The following VPS13B variants were observed in gnomAD, a reference collection of about 807,000 sequenced individuals.
VPS13B encodes the protein intermembrane lipid transfer protein VPS13B.
A neutral mutation model predicts 426.4 loss-of-function variants in VPS13B; 285 were observed. The ratio of observed to expected loss-of-function variants is 0.67; its 90% CI spans 0.61 to 0.74. The LOEUF is 0.74. Among genes scored for constraint, VPS13B ranks in the 30% least tolerant of loss-of-function variants. The pLI, the probability that VPS13B is intolerant of heterozygous loss-of-function variation, is 0.00. For missense variants in VPS13B, 4,537 were observed against 4,782.6 expected (o/e 0.95, Z 1.51); for synonymous variants, 1,676 against 1,676.4 (o/e 1.00, Z 0.01).
At chr8:99,610,646 T>G (rs1208315601) in intron 33 of VPS13B, among the ~76,000 whole-genome samples, 1 of 152,006 alleles carries the variant, frequency 6.6e-6, no homozygotes, top group African/African-American at 2.4e-5. Flanking sequence ...AGATGATGGG[T>G]TGATGGGTGC....
intron 30 of VPS13B, among the ~76,000 whole-genome samples, chr8:99,528,569 C>G (rs899989762): frequency 6.6e-6 from 1 of 151,974 alleles, no homozygotes; most frequent in South Asian, 2.1e-4. Context: ...TTGTCTACAC[C>G]ACCTCCCAAA....
chr8:99,425,469 T>C (rs1195854726), intron 21 of VPS13B, among the ~76,000 whole-genome samples: 1 of 152,150 alleles, frequency 6.6e-6, no homozygotes, highest in Non-Finnish European at 1.5e-5. Flanking sequence ...AAAAACCACA[T>C]GATTATCTCA....
intron 21 of VPS13B, among the ~76,000 whole-genome samples, chr8:99,393,172 G>GT (rs1475047991): frequency 2.0e-5 from 3 of 151,978 alleles, no homozygotes; most frequent in African/African-American, 7.2e-5. Flanking sequence ...TGCTTATAAT[G>GT]TAAATGAAAA....
chr8:99,778,301 T>A, intron 41 of VPS13B, among the ~76,000 whole-genome samples: 1 of 152,254 alleles, frequency 6.6e-6, no homozygotes, highest in South Asian at 2.1e-4. Flanking sequence ...TTTAACCTGC[T>A]TTCTCTAACT....
At chr8:99,518,981 G>A (rs778547704) in intron 29 of VPS13B, among the ~76,000 whole-genome samples, 8 of 152,020 alleles carry the variant, frequency 5.3e-5, no homozygotes, top group Admixed American at 2.0e-4. Context: ...TTTAATATAC[G>A]TTTATTTTAA....
At chr8:99,405,651 C>A (rs1815282565) in intron 21 of VPS13B, among the ~76,000 whole-genome samples, 1 of 151,964 alleles carries the variant, frequency 6.6e-6, no homozygotes, top group Non-Finnish European at 1.5e-5. Context: ...AAGATATAAC[C>A]CAGACTTCTT....
At chr8:99,650,400 C>T (rs1829760067) in intron 34 of VPS13B, among the ~76,000 whole-genome samples, 1 of 152,146 alleles carries the variant, frequency 6.6e-6, no homozygotes, top group African/African-American at 2.4e-5. Context: ...CATTGCCCTT[C>T]TTGTCAACCT....
intron 14 of VPS13B, among the ~76,000 whole-genome samples, chr8:99,149,006 A>G (rs1483331908): frequency 6.6e-6 from 1 of 152,236 alleles, no homozygotes; most frequent in Non-Finnish European, 1.5e-5. Context: ...GCTCCTCACA[A>G]GACCACATAT....
chr8:99,734,083 C>T (rs1833714029), intron 39 of VPS13B, among the ~76,000 whole-genome samples: 1 of 152,168 alleles, frequency 6.6e-6, no homozygotes, highest in Non-Finnish European at 1.5e-5. Context: ...TATATATCTG[C>T]CTATTCTGGA....
Position 99,875,430 on chromosome 8 carries a change from C to G in VPS13B, c.11758C>G (p.Arg3920Gly). The G allele has an allele frequency of 6.2e-7, 1 of 1,614,048 alleles. No individual in the cohort carries two copies. Among genetic ancestry groups the G allele is most frequent in the Non-Finnish European group, 8.5e-7 (1 of 1,180,020 alleles). Residue 3920 changes from arginine (R) to glycine (G), a missense_variant, in exon 62 of 62, where the codon CGA (arginine) becomes GGA (glycine). By Grantham distance (125) the Arg-to-Gly change is moderately radical. This residue lies in a region of VPS13B where 4,311 missense variants were observed against 4,474.3 expected (regional missense o/e 0.96). Coordinates refer to ENST00000357162, the MANE Select transcript of VPS13B (RefSeq NM_152564.5). Reference sequence around the variant, plus strand: ...TTTTGGATCCTAGGTAGATGGAGTCCGAGAGAGACTGTCAGAGCAACAGTA... The same window carrying G: ...TTTTGGATCCTAGGTAGATGGAGTCGGAGAGAGACTGTCAGAGCAACAGTA... ...VACDVEVDGV[R>G]ERLSEQQYNR...
intron 29 of VPS13B, among the ~76,000 whole-genome samples, chr8:99,518,243 C>T (rs971998940): frequency 3.9e-5 from 6 of 152,144 alleles, no homozygotes; most frequent in African/African-American, 1.4e-4. Flanking sequence ...AGCAAATATA[C>T]TAATTGCACC....
At chr8:99,666,209 A>T (rs1478790421) in intron 35 of VPS13B, among the ~76,000 whole-genome samples, 3 of 152,094 alleles carry the variant, frequency 2.0e-5, no homozygotes, top group Admixed American at 6.6e-5. Flanking sequence ...GGAGATTCAC[A>T]GCCGAATTCT....
At chr8:99,233,550 G>T in intron 17 of VPS13B, 1 of 1,119,584 alleles carries the variant, frequency 8.9e-7, no homozygotes, top group Admixed American at 1.7e-5. Context: ...GGGGGTACAG[G>T]CTGGAGAAAG....
At chr8:99,597,754 G>A (rs1320218095) in intron 33 of VPS13B, among the ~76,000 whole-genome samples, 3 of 151,952 alleles carry the variant, frequency 2.0e-5, no homozygotes, top group Admixed American at 6.6e-5. Flanking sequence ...GGTTATGTGA[G>A]CAAAATAAAC....
chr8:99,606,325 C>T (rs1297598257), intron 33 of VPS13B, among the ~76,000 whole-genome samples: 1 of 151,902 alleles, frequency 6.6e-6, no homozygotes, highest in Non-Finnish European at 1.5e-5. Context: ...TGGTTTGGAA[C>T]AGCACAAATT....
chr8:99,438,893 A>G (rs935720408), intron 22 of VPS13B, among the ~76,000 whole-genome samples: 3 of 152,192 alleles, frequency 2.0e-5, no homozygotes, highest in African/African-American at 4.8e-5. Flanking sequence ...TTATAAATCT[A>G]TGAGGCTAAT....
intron 7 of VPS13B, among the ~76,000 whole-genome samples, chr8:99,119,673 A>T (rs775127467): frequency 7.2e-5 from 11 of 152,210 alleles, no homozygotes; most frequent in Non-Finnish European, 1.2e-4. Context: ...CAGGTGAAAG[A>T]AGGTAAACAT....
intron 16 of VPS13B, among the ~76,000 whole-genome samples, chr8:99,171,718 A>G (rs2132667860): frequency 6.6e-6 from 1 of 152,146 alleles, no homozygotes; most frequent in Non-Finnish European, 1.5e-5. Context: ...GTGTTATTTC[A>G]GTGATATTTT....
chr8:99,017,171 CAT>C (rs1841667031), intron 2 of VPS13B, among the ~76,000 whole-genome samples: 1 of 152,024 alleles, frequency 6.6e-6, no homozygotes, highest in South Asian at 2.1e-4. Flanking sequence ...TTTTTTTCTG[CAT>C]ATGAGTAATA....
Sources: allele counts gnomAD v4.1 joint callset (sites outside exome capture counted in the v4.1 genomes callset), GRCh38; gene constraint gnomAD v4.1.1; regional missense constraint gnomAD v4.1.1; transcripts MANE v1.5; gene names NCBI Gene and HGNC (gene_info 2026-07-23, HGNC 2026-07-21).